The following CPAMD8 variants were observed in gnomAD, a reference collection of about 807,000 sequenced individuals.
CPAMD8 encodes C3 and PZP-like alpha-2-macroglobulin domain-containing protein 8.
In CPAMD8, 146 loss-of-function variants were observed where a neutral mutation model predicts 224.7. That is an observed-to-expected ratio of 0.65 (90% confidence interval 0.57 to 0.75). The LOEUF is 0.75. Ranked by LOEUF, CPAMD8 falls within the 30% of genes least tolerant of loss-of-function variation. The pLI is 0.00. For synonymous variants in CPAMD8, 966 were observed against 1,044.6 expected (o/e 0.92, Z 1.45); for missense variants, 2,301 against 2,537.5 (o/e 0.91, Z 2.00).
At chr19:16,985,675 T>C (rs2055694978) in intron 13 of CPAMD8, among the ~76,000 whole-genome samples, 1 of 143,188 alleles carries the variant, frequency 7.0e-6, no homozygotes, top group African/African-American at 2.6e-5. Flanking sequence ...AGATGGAGGA[T>C]GGATGGATGG....
At chr19:17,004,513 A>C in intron 7 of CPAMD8, 127 bp from the exon 8 acceptor site, 1 of 627,516 alleles carries the variant, frequency 1.6e-6, no homozygotes, top group Admixed American at 2.8e-5. Context: ...TGGAGACCAC[A>C]GAGAAGCTGG....
At chr19:16,981,956 G>A (rs960878945) in intron 13 of CPAMD8, among the ~76,000 whole-genome samples, 1 of 152,220 alleles carries the variant, frequency 6.6e-6, no homozygotes, top group Non-Finnish European at 1.5e-5. Context: ...ACTGTAGGTG[G>A]CTAATAAGTG....
At chr19:17,001,571 G>A (rs1473435335) in intron 9 of CPAMD8, among the ~76,000 whole-genome samples, 1 of 151,996 alleles carries the variant, frequency 6.6e-6, no homozygotes, top group South Asian at 2.1e-4. Context: ...CGGGAGAGGG[G>A]CATGCTTTGG....
rs759699082 is a variant in CPAMD8, at chr19:16,925,222, C to T, written c.3521G>A (p.Arg1174Lys). 1 of 1,614,210 alleles carries T rather than the reference C, an allele frequency of 6.2e-7. No individual in the cohort carries two copies. The highest frequency in any genetic ancestry group is 8.5e-7 in the Non-Finnish European group (1 of 1,180,044). The change falls in exon 26 of 42, where the codon AGA becomes AAA. Residue 1174 changes from arginine to lysine, a missense_variant. Physicochemically the swap from Arg to Lys is conservative, Grantham distance 26. Transcript: ENST00000443236. ...KTQQLSPEVE[R>K]ETTDYLVQGY... ...TTGTACTAGGTAGTCGGTGGTCTCT[C>T]TCTCCACCTCAGGGCTGAGCTGCTG... is the stretch of plus-strand genomic sequence containing the variant.
intron 1 of CPAMD8, among the ~76,000 whole-genome samples, chr19:17,025,302 C>CTCAGG (rs1329538125): frequency 6.6e-6 from 1 of 152,158 alleles, no homozygotes; most frequent in Non-Finnish European, 1.5e-5. Context: ...ATCCCAGCTA[C>CTCAGG]TCAGGAGGCT....
In CPAMD8 at chr19:16,902,573, C is replaced by T. The variant is rs114854096; in HGVS notation, c.4685+76G>A. 1.9e-4 allele frequency: 164 copies of T among 882,760 alleles called. No individual in the cohort carries two copies. In the African/African-American group the frequency reaches 2.6e-3, roughly 14 times the overall value. 54.7% of individuals were successfully genotyped at this position (882,760 alleles called of 1,614,324 possible). On this transcript the variant is annotated intron_variant, in intron 35 of 41. Coordinates refer to ENST00000443236, the MANE Select transcript of CPAMD8 (RefSeq NM_015692.5). ...GAGTGCCTGGAGCCGGAAGCTCCTC[C>T]TGGTCCCAGGAGGCCATCCTCTCCG...
At chr19:16,923,279 C>G (rs1387008682) in intron 26 of CPAMD8, among the ~76,000 whole-genome samples, 2 of 152,172 alleles carry the variant, frequency 1.3e-5, no homozygotes, top group Non-Finnish European at 1.5e-5. Context: ...AGGGTCTGGA[C>G]AGAAAGCTGG....
rs2054138731 is a variant in CPAMD8, at chr19:16,947,314, T to G, written c.2509-87A>C. On this transcript the variant is annotated intron_variant, in intron 20 of 41. Coordinates refer to ENST00000443236, the MANE Select transcript of CPAMD8 (RefSeq NM_015692.5). ...GCCCAACACACATCCCACCACTCAC[T>G]GCACACACCAGACTTGTCAGCCTCC... The G allele has an allele frequency of 2.0e-6, 3 of 1,463,510 alleles. No homozygotes were observed. The South Asian group carries it at 4.0e-5, about 19-fold the overall frequency. 90.7% of individuals were successfully genotyped at this position (1,463,510 alleles called of 1,614,324 possible).
At position 16,893,223 on chromosome 19, in the gene CPAMD8, C is replaced by T. The variant is rs193133330; in HGVS notation, c.5543G>A (p.Arg1848Gln). ...QTPAPQRHSGRVVGAHRPGLL... is the reference protein window; with the variant it reads ...QTPAPQRHSGQVVGAHRPGLL... ...CCCTGGCCTGTGGGCCCCCACCACC[C>T]GGCCACTATGTCTCTGAGGGGCCGG... The change falls in exon 42 of 42, where the codon CGG (arginine) becomes CAG (glutamine). Residue 1848 changes from arginine to glutamine, a missense_variant. Around this residue, in one of 4 missense-constraint regions of CPAMD8, gnomAD observed 1,709 missense variants for 1,753.2 expected, o/e 0.97. Coordinates refer to ENST00000443236, the MANE Select transcript of CPAMD8 (RefSeq NM_015692.5). 5.6e-5 allele frequency: 89 copies of T among 1,588,942 alleles called. No individual in the cohort carries two copies. The highest frequency in any genetic ancestry group is 2.3e-4 in the Admixed American group (13 of 57,412).
intron 14 of CPAMD8, among the ~76,000 whole-genome samples, chr19:16,980,020 C>T (rs1031777561): frequency 2.0e-5 from 3 of 152,088 alleles, no homozygotes; most frequent in African/African-American, 7.2e-5. Flanking sequence ...CAGGACGCCC[C>T]CACTCTGGAG....
At chr19:16,902,498 C>G in intron 35 of CPAMD8, 151 bp downstream of exon 35, 1 of 575,980 alleles carries the variant, frequency 1.7e-6, no homozygotes. Context: ...GCCTGGGCGA[C>G]AGGGTGAGAC....
chr19:17,008,409 G>T, intron 7 of CPAMD8, 96 bp downstream of exon 7: 1 of 1,434,934 alleles, frequency 7.0e-7, no homozygotes. Flanking sequence ...GCAGCAGTGG[G>T]GGTACATTAG....
rs142662535 is a variant in CPAMD8, at chr19:16,917,886, G to A, written c.3630-3073C>T. 4.4e-3 allele frequency among the ~76,000 whole-genome samples: 664 copies of A among 152,314 alleles called. 5 individuals are homozygous for A. Among genetic ancestry groups the A allele is most frequent in the Admixed American group, 7.5e-3 (114 of 15,290 alleles). ...CGGGAATCTCTTGGTATCTGTAGGG[G>A]ACTGGTTCCAGGACCCCCAAGGATA... On this transcript the variant is annotated intron_variant, in intron 27 of 41. Coordinates refer to ENST00000443236, the MANE Select transcript of CPAMD8 (RefSeq NM_015692.5).
intron 27 of CPAMD8, among the ~76,000 whole-genome samples, chr19:16,915,971 T>C (rs1168660147): frequency 6.6e-6 from 1 of 151,424 alleles, no homozygotes; most frequent in Non-Finnish European, 1.5e-5. Context: ...CTTGATTTTC[T>C]TTCTTCTCTC....
chr19:16,916,709 A>G (rs1401446444), intron 27 of CPAMD8, among the ~76,000 whole-genome samples: 3 of 152,054 alleles, frequency 2.0e-5, no homozygotes, highest in Non-Finnish European at 4.4e-5. Flanking sequence ...ACTGCACTCT[A>G]GCCTGGGTGT....
chr19:16,928,261 A>T, intron 24 of CPAMD8, 27 bp from the exon 25 acceptor site: 3 of 1,595,886 alleles, frequency 1.9e-6, no homozygotes, highest in Non-Finnish European at 2.6e-6. Flanking sequence ...AGGCTGCTGG[A>T]CGCTGGCAGG....
intron 13 of CPAMD8, among the ~76,000 whole-genome samples, chr19:16,989,209 C>T (rs1399121954): frequency 6.6e-6 from 1 of 152,078 alleles, no homozygotes; most frequent in East Asian, 1.9e-4. Flanking sequence ...GTGCCCGTGC[C>T]CCCGTCTGTG....
intron 36 of CPAMD8, among the ~76,000 whole-genome samples, chr19:16,900,381 C>T (rs553312487): frequency 2.6e-5 from 4 of 151,864 alleles, no homozygotes; most frequent in East Asian, 1.9e-4. Flanking sequence ...GCTGATCACC[C>T]GAGGTCAGGA....
At chr19:17,022,308 G>T in intron 1 of CPAMD8, 127 bp from the exon 2 acceptor site, 1 of 1,029,472 alleles carries the variant, frequency 9.7e-7, no homozygotes, top group Non-Finnish European at 1.4e-6. Flanking sequence ...GGCTGGCATT[G>T]ATGCTCTAGG....
Sources: allele counts gnomAD v4.1 joint callset (sites outside exome capture counted in the v4.1 genomes callset), GRCh38; gene constraint gnomAD v4.1.1; regional missense constraint gnomAD v4.1.1; transcripts MANE v1.5; gene names NCBI Gene and HGNC (gene_info 2026-07-23, HGNC 2026-07-21).